The following GPC6 variants were observed in gnomAD, a reference collection of about 807,000 sequenced individuals.
GPC6 encodes the protein glypican-6.
Under a neutral mutation model 55.2 loss-of-function variants are expected in GPC6, and 14 were observed. The observed-to-expected ratio is 0.25, with a 90% CI of 0.17 to 0.40. The LOEUF (loss-of-function observed/expected upper bound fraction) is 0.40. Ranked by LOEUF, GPC6 falls within the 10% of genes least tolerant of loss-of-function variation. The pLI, the probability that GPC6 is intolerant of heterozygous loss-of-function variation, is 1.00. For synonymous variants in GPC6, 278 were observed against 259.6 expected (o/e 1.07, Z -0.68); for missense variants, 641 against 708.5 (o/e 0.90, Z 1.08).
chr13:93,411,525 C>T (rs1290411186), intron 1 of GPC6, among the ~76,000 whole-genome samples: 1 of 152,152 alleles, frequency 6.6e-6, no homozygotes, highest in Non-Finnish European at 1.5e-5. Context: ...ACAGTGGGAG[C>T]ACAGCACATT....
At chr13:93,275,114 T>A (rs1307687498) in intron 1 of GPC6, among the ~76,000 whole-genome samples, 1 of 152,236 alleles carries the variant, frequency 6.6e-6, no homozygotes, top group East Asian at 1.9e-4. Flanking sequence ...AAGCCTCTTC[T>A]GATTATAGAC....
At chr13:93,226,131 C>G (rs1417125695), upstream of GPC6, among the ~76,000 whole-genome samples, 1 of 152,074 alleles carries the variant, frequency 6.6e-6, no homozygotes, top group Non-Finnish European at 1.5e-5. Context: ...AATGTTAAGT[C>G]TACTATGTGA....
chr13:94,328,922 C>T (rs758072754), intron 6 of GPC6, among the ~76,000 whole-genome samples: 7 of 152,132 alleles, frequency 4.6e-5, no homozygotes, highest in Non-Finnish European at 8.8e-5. Flanking sequence ...TCCCTTTGAG[C>T]GACAGGACTG....
At chr13:93,935,810 A>C (rs1253435729) in intron 3 of GPC6, among the ~76,000 whole-genome samples, 1 of 152,154 alleles carries the variant, frequency 6.6e-6, no homozygotes, top group Non-Finnish European at 1.5e-5. Flanking sequence ...GGCAGTGTTT[A>C]TCAAAGGTAG....
chr13:94,015,669 G>A (rs769680940), intron 3 of GPC6, among the ~76,000 whole-genome samples: 4 of 152,126 alleles, frequency 2.6e-5, no homozygotes, highest in Non-Finnish European at 5.9e-5. Flanking sequence ...GTTAGTTTTT[G>A]TAGATGGTAT....
At chr13:93,521,145 A>T (rs999977110) in intron 1 of GPC6, among the ~76,000 whole-genome samples, 8 of 152,114 alleles carry the variant, frequency 5.3e-5, no homozygotes, top group Non-Finnish European at 1.0e-4. Context: ...CTGTCTCTGA[A>T]AACCATCACC....
chr13:93,471,253 GC>G (rs1293170712), intron 1 of GPC6, among the ~76,000 whole-genome samples: 1 of 151,626 alleles, frequency 6.6e-6, no homozygotes, highest in East Asian at 1.9e-4. Flanking sequence ...AGTGGCTCAT[GC>G]CTGTAATCCC....
At chr13:93,976,321 A>G (rs1880512780) in intron 3 of GPC6, among the ~76,000 whole-genome samples, 1 of 139,486 alleles carries the variant, frequency 7.2e-6, no homozygotes, top group South Asian at 2.2e-4. Flanking sequence ...CTTAAAGTAG[A>G]CTTATTGGTT....
chr13:93,779,055 C>G (rs1301935458), intron 2 of GPC6, among the ~76,000 whole-genome samples: 1 of 152,120 alleles, frequency 6.6e-6, no homozygotes, highest in East Asian at 1.9e-4. Context: ...TATAACTATC[C>G]TTTTATATTT....
chr13:93,810,247 C>G (rs1886656675), intron 2 of GPC6, among the ~76,000 whole-genome samples: 1 of 152,180 alleles, frequency 6.6e-6, no homozygotes. Context: ...ATTCAAGATT[C>G]AATAGCTACA....
chr13:94,134,849 G>A (rs680323), intron 4 of GPC6, among the ~76,000 whole-genome samples: 70,265 of 151,888 alleles, frequency 0.46, 18,028 homozygotes, highest in Middle Eastern at 0.61. Context: ...CACCTGTAAT[G>A]CTCTTATTTT....
chr13:93,478,267 ATT>A (rs1267305421), intron 1 of GPC6, among the ~76,000 whole-genome samples: 2 of 152,124 alleles, frequency 1.3e-5, no homozygotes, highest in Non-Finnish European at 2.9e-5. Context: ...TCTCACAGCC[ATT>A]TTTTTCTTCA....
intron 4 of GPC6, among the ~76,000 whole-genome samples, chr13:94,175,953 TATAGAGAG>T (rs1287782728): frequency 2.8e-4 from 30 of 106,580 alleles, no homozygotes; most frequent in African/African-American, 8.3e-4. Context: ...TATATATATA[TATAGAGAG>T]AGAGAGAGAG....
chr13:94,087,963 C>T (rs917484080), intron 4 of GPC6, among the ~76,000 whole-genome samples: 2 of 152,180 alleles, frequency 1.3e-5, no homozygotes, highest in African/African-American at 2.4e-5. Flanking sequence ...GTATATTGGT[C>T]TCCATTCTTC....
chr13:94,165,646 A>C (rs1169699592), intron 4 of GPC6, among the ~76,000 whole-genome samples: 2 of 145,988 alleles, frequency 1.4e-5, no homozygotes, highest in Admixed American at 1.3e-4. Flanking sequence ...TATGGAAATA[A>C]AAATTTTTTT....
chr13:93,660,092 T>G (rs1566473510), intron 2 of GPC6, among the ~76,000 whole-genome samples: 1 of 152,056 alleles, frequency 6.6e-6, no homozygotes. Context: ...AAAAAAATAA[T>G]TTTCTCTCTT....
At chr13:93,980,603 T>C (rs1226812161) in intron 3 of GPC6, among the ~76,000 whole-genome samples, 1 of 152,168 alleles carries the variant, frequency 6.6e-6, no homozygotes, top group East Asian at 1.9e-4. Flanking sequence ...TCTGAAAGAT[T>C]GCCTTGGGCC....
In GPC6 at chr13:94,316,649, A is replaced by G. The variant is rs977913904; in HGVS notation, c.1152+10526A>G. ...GGAGAATGGCGTGAACCCGGGAGGC[A>G]GAGCTTGCAGTGAGCCGAGATCCCG... On this transcript the variant is annotated intron_variant, in intron 6 of 8. Transcript: ENST00000377047. Among the ~76,000 whole-genome samples the G allele has an allele frequency of 8.0e-5, 12 of 150,264 alleles. No homozygotes were observed. In the East Asian group the frequency reaches 9.8e-4, roughly 12 times the overall value.
At chr13:93,762,687 A>G (rs763593503) in intron 2 of GPC6, among the ~76,000 whole-genome samples, 2 of 152,218 alleles carry the variant, frequency 1.3e-5, no homozygotes, top group Non-Finnish European at 2.9e-5. Flanking sequence ...AAAAAATATT[A>G]TGCAAATTAA....
Sources: gnomAD v4.1 joint callset for allele counts (sites outside exome capture counted in the v4.1 genomes callset) on GRCh38, gnomAD v4.1.1 for gene constraint, MANE v1.5 for transcripts, NCBI Gene and HGNC (gene_info 2026-07-23, HGNC 2026-07-21) for gene names.